The following L3MBTL3 variants were observed in gnomAD, a reference collection of about 807,000 sequenced individuals.
L3MBTL3 encodes L3MBTL histone methyl-lysine binding protein 3.
In L3MBTL3, 27 loss-of-function variants were observed where a neutral mutation model predicts 102.3. That is an observed-to-expected ratio of 0.26 (90% CI 0.19 to 0.36). L3MBTL3 has a LOEUF of 0.36. L3MBTL3 is among the 10% of genes least tolerant of loss of function. The probability of loss-of-function intolerance (pLI) is 1.00; values close to 1 mark genes in which losing one functional copy is unlikely to be tolerated. For synonymous variants in L3MBTL3, 340 were observed against 320.9 expected, an observed-to-expected ratio of 1.06 and a Z score of -0.64; for missense variants, 798 against 955.3, an observed-to-expected ratio of 0.84 and a Z score of 2.17.
At chr6:130,058,169 AAAAAAAAT>A (rs1781649302) in intron 9 of L3MBTL3, among the ~76,000 whole-genome samples, 3 of 150,852 alleles carry the variant, frequency 2.0e-5, no homozygotes, top group African/African-American at 7.3e-5. Flanking sequence ...AAAAAAAAAA[AAAAAAAAT>A]GAGTTACTAC....
Position 130,104,585 on chromosome 6 carries a change from G to T in L3MBTL3, c.1886+10G>T. On this transcript the variant is annotated intron_variant, in intron 19 of 22. Transcript: ENST00000361794. ...CTTCCCCTGAAATCAGGTAATCAAA[G>T]AGCTAATATTAGCATTGTTTAGAAG... 1 of 1,550,132 alleles carries T rather than the reference G, an allele frequency of 6.5e-7. No individual in the cohort carries two copies. Among genetic ancestry groups the T allele is most frequent in the South Asian group, 1.3e-5 (1 of 77,472 alleles).
At chr6:130,080,779 TTTATG>T in intron 14 of L3MBTL3, among the ~76,000 whole-genome samples, 1 of 152,334 alleles carries the variant, frequency 6.6e-6, no homozygotes, top group East Asian at 1.9e-4. Flanking sequence ...AATGGTAAAT[TTTATG>T]TTATGTATAT....
At chr6:130,100,370 G>A (rs894410236) in intron 18 of L3MBTL3, among the ~76,000 whole-genome samples, 3 of 152,122 alleles carry the variant, frequency 2.0e-5, no homozygotes, top group Non-Finnish European at 4.4e-5. Flanking sequence ...AGCTCCTTTT[G>A]CATTTTGTGG....
intron 6 of L3MBTL3, among the ~76,000 whole-genome samples, chr6:130,052,611 G>A (rs1361832754): frequency 3.3e-5 from 5 of 152,100 alleles, no homozygotes; most frequent in Non-Finnish European, 7.3e-5. Flanking sequence ...CATATTGCTG[G>A]CCCCCTTTTG....
chr6:130,094,176 T>G (rs1355374079), intron 17 of L3MBTL3, 89 bp from the exon 18 acceptor site: 10 of 961,862 alleles, frequency 1.0e-5, no homozygotes, highest in Non-Finnish European at 1.4e-5. Context: ...GGGAGTCTTT[T>G]TCTTCCTTAT....
intron 2 of L3MBTL3, among the ~76,000 whole-genome samples, chr6:130,029,567 A>C (rs539592650): frequency 6.6e-6 from 1 of 152,286 alleles, no homozygotes; most frequent in East Asian, 1.9e-4. Flanking sequence ...TATTGACCTT[A>C]CATCGGTCTC....
chr6:130,107,967 C>G (rs1036369687), intron 19 of L3MBTL3, among the ~76,000 whole-genome samples: 2 of 152,170 alleles, frequency 1.3e-5, no homozygotes, highest in Non-Finnish European at 2.9e-5. Flanking sequence ...CCCAGCACAG[C>G]AAGAGCAACA....
intron 13 of L3MBTL3, among the ~76,000 whole-genome samples, chr6:130,078,340 G>T (rs972419584): frequency 6.6e-6 from 1 of 152,146 alleles, no homozygotes; most frequent in South Asian, 2.1e-4. Flanking sequence ...AAAGAAAATT[G>T]CATGGTGTCA....
At chr6:130,042,892 A>G in intron 3 of L3MBTL3, 91 bp downstream of exon 3, 1 of 861,502 alleles carries the variant, frequency 1.2e-6, no homozygotes, top group Non-Finnish European at 1.9e-6. Flanking sequence ...TAAAAATTAA[A>G]AGCATTAATC....
intron 16 of L3MBTL3, among the ~76,000 whole-genome samples, chr6:130,090,113 A>G (rs1332230439): frequency 6.6e-6 from 1 of 152,042 alleles, no homozygotes; most frequent in East Asian, 1.9e-4. Flanking sequence ...ACGTCTTTTC[A>G]TATTTTCTAT....
rs747385667 is a variant in L3MBTL3 at position 130,057,517 on chromosome 6, C to T, written c.759+20C>T. On this transcript the variant is annotated intron_variant, in intron 9 of 22. Coordinates refer to ENST00000361794, the MANE Select transcript of L3MBTL3 (RefSeq NM_032438.4). ...AAGGAGGTACGGGCCCTTCTAGAGA[C>T]GTGATCTGTAAGGGCGCAGGAGCTG... 63 of 1,578,784 alleles carry T rather than the reference C, an allele frequency of 4.0e-5. 1 individual carries two copies. The Admixed American group carries it at 5.4e-4, about 14-fold the overall frequency.
At chr6:130,094,419 G>T (rs1454565366) in intron 18 of L3MBTL3, 52 bp downstream of exon 18, 1 of 1,161,824 alleles carries the variant, frequency 8.6e-7, no homozygotes, top group Non-Finnish European at 1.3e-6. Flanking sequence ...CCATATACAT[G>T]TATATATAAT....
chr6:130,038,940 A>G (rs559543794), intron 2 of L3MBTL3, among the ~76,000 whole-genome samples: 54 of 152,156 alleles, frequency 3.5e-4, no homozygotes, highest in Non-Finnish European at 6.8e-4. Flanking sequence ...AAAACAGAAG[A>G]AAAAATATTG....
rs1423744056 is a variant in L3MBTL3, at chr6:130,079,813, G to C, written c.1321+1179G>C. On this transcript the variant is annotated intron_variant, in intron 14 of 22. Coordinates refer to ENST00000361794, the MANE Select transcript of L3MBTL3 (RefSeq NM_032438.4). ...TGTCTGATCATTTACTCACTCAGGA[G>C]GACCTATCATTCCTGTAACAGGCAA... Among the ~76,000 whole-genome samples, 5 of 152,122 alleles carry C rather than the reference G, an allele frequency of 3.3e-5. No homozygotes were observed. The East Asian group carries it at 9.6e-4, about 29-fold the overall frequency.
chr6:130,093,106 A>AG (rs1562303911), intron 17 of L3MBTL3, among the ~76,000 whole-genome samples: 36 of 152,300 alleles, frequency 2.4e-4, no homozygotes, highest in African/African-American at 8.7e-4. Context: ...ATCACCTTTT[A>AG]CAATTAGTGT....
At chr6:130,068,253 G>T in intron 11 of L3MBTL3, 77 bp from the exon 12 acceptor site, 1 of 722,490 alleles carries the variant, frequency 1.4e-6, no homozygotes, top group Non-Finnish European at 2.4e-6. Flanking sequence ...GCATGTTAGA[G>T]ATAAAAGTGG....
At chr6:130,044,863 A>G (rs1356098811) in intron 3 of L3MBTL3, among the ~76,000 whole-genome samples, 1 of 152,172 alleles carries the variant, frequency 6.6e-6, no homozygotes, top group Non-Finnish European at 1.5e-5. Flanking sequence ...AGGATATTAG[A>G]AAGAACTTTG....
intron 2 of L3MBTL3, among the ~76,000 whole-genome samples, chr6:130,032,057 T>C (rs1779758646): frequency 6.6e-6 from 1 of 152,004 alleles, no homozygotes; most frequent in South Asian, 2.1e-4. Context: ...AGACCACAGG[T>C]GTGCAACACC....
intron 12 of L3MBTL3, among the ~76,000 whole-genome samples, chr6:130,070,425 C>T (rs74992761): frequency 0.016 from 2,448 of 152,240 alleles, 32 homozygotes; most frequent in Non-Finnish European, 0.024. Flanking sequence ...TAAAATATAT[C>T]TGTAGTGTTG....
Sources: gnomAD v4.1 joint callset for allele counts (sites outside exome capture counted in the v4.1 genomes callset) on GRCh38, gnomAD v4.1.1 for gene constraint, MANE v1.5 for transcripts, NCBI Gene and HGNC (gene_info 2026-07-23, HGNC 2026-07-21) for gene names.